Variants in COQ10B observed in about 807,000 individuals in gnomAD.
COQ10B encodes coenzyme Q10B.
COQ10B carries 12 observed loss-of-function variants against 27.6 expected under a neutral mutation model. The observed-to-expected ratio is 0.43, with a 90% CI of 0.28 to 0.70. COQ10B has a LOEUF of 0.70. Among genes scored for constraint, COQ10B ranks in the 30% least tolerant of loss-of-function variants. COQ10B has a pLI of 0.17. For synonymous variants in COQ10B, 115 were observed against 103.0 expected (o/e 1.12, Z -0.71); for missense variants, 278 against 288.7 (o/e 0.96, Z 0.27).
At chr2:197,468,646 G>A (rs576747613) in intron 3 of COQ10B, among the ~76,000 whole-genome samples, 101 of 152,050 alleles carry the variant, frequency 6.6e-4, no homozygotes, top group Non-Finnish European at 1.3e-3. Context: ...AATTACCTGT[G>A]CACTTTAGGA....
rs568958248 is a variant in COQ10B, at chr2:197,456,754, G to T, written c.104+3090G>T. ...CACTCGAGCCTGGGTGATAGAGCAA[G>T]ACTCCATCTCAAAAAAATAAATAAG... On this transcript the variant is annotated intron_variant, in intron 1 of 4. Coordinates refer to ENST00000263960, the MANE Select transcript of COQ10B (RefSeq NM_025147.5). 4.6e-5 allele frequency among the ~76,000 whole-genome samples: 7 copies of T among 151,900 alleles called. No individual in the cohort carries two copies. In the South Asian group the frequency reaches 1.5e-3, roughly 32 times the overall value.
At chr2:197,455,394 G>T (rs116706770) in intron 1 of COQ10B, among the ~76,000 whole-genome samples, 2 of 152,204 alleles carry the variant, frequency 1.3e-5, no homozygotes, top group Admixed American at 1.3e-4. Flanking sequence ...GGGAGGCTGA[G>T]GCGGGAGGAT....
chr2:197,469,831 A>G (rs1020680495), intron 3 of COQ10B, among the ~76,000 whole-genome samples: 4 of 152,120 alleles, frequency 2.6e-5, no homozygotes, highest in Admixed American at 6.5e-5. Flanking sequence ...GGTGTTAGCA[A>G]TGGAAGAGAA....
intron 4 of COQ10B, among the ~76,000 whole-genome samples, chr2:197,473,485 T>C (rs567017969): frequency 2.2e-5 from 3 of 139,432 alleles, no homozygotes; most frequent in African/African-American, 7.9e-5. Context: ...CACGTATATA[T>C]ATGTATATAC....
Position 197,473,626 on chromosome 2 carries a change from C to T in COQ10B, c.550-131C>T. ...GCTTGAGTCCAGGAGGTTGAGGCTG[C>T]AGTGAGCCGCAATTGTGCCACTGCA... On this transcript the variant is annotated intron_variant, in intron 4 of 4. Coordinates refer to ENST00000263960, the MANE Select transcript of COQ10B (RefSeq NM_025147.5). The T allele has an allele frequency of 5.3e-6, 3 of 561,854 alleles. No individual in the cohort carries two copies. In the Admixed American group the frequency reaches 1.1e-4, roughly 21 times the overall value. 34.8% of individuals were successfully genotyped at this position (561,854 alleles called of 1,614,324 possible). A position where few individuals can be genotyped will look rare whatever the true frequency, so the allele number is the denominator to read the frequency against.
intron 3 of COQ10B, among the ~76,000 whole-genome samples, chr2:197,463,412 A>G (rs1295283179): frequency 6.6e-6 from 1 of 151,938 alleles, no homozygotes; most frequent in Non-Finnish European, 1.5e-5. Flanking sequence ...CAGAGGTTGC[A>G]GTGTGCCGAG....
In COQ10B at chr2:197,459,946, G is replaced by C. The variant is rs765425646; in HGVS notation, c.119G>C (p.Cys40Ser). ...PVRNGRYLAS[C>S]GILMSRTLPL... ...TGTCTTTTCAGATATTTAGCTTCCT[G>C]TGGTATACTGATGAGCAGAACTCTT... The change falls in exon 2 of 5, where the codon TGT becomes TCT. Residue 40 changes from cysteine (C) to serine (S), a missense_variant. By Grantham distance (112) the Cys-to-Ser change is moderately radical (BLOSUM62 -1). Coordinates refer to ENST00000263960, the MANE Select transcript of COQ10B (RefSeq NM_025147.5). 1.2e-6 allele frequency: 2 copies of C among 1,603,380 alleles called. No homozygotes were observed. Among genetic ancestry groups the C allele is most frequent in the African/African-American group, 2.7e-5 (2 of 74,188 alleles).
Position 197,463,996 on chromosome 2 carries a change from T to TACACAC in COQ10B, c.447+1291_447+1296dup, listed in dbSNP as rs1241115366. On this transcript the variant is annotated intron_variant, in intron 3 of 4. Transcript: ENST00000263960. ...ATATATATATATATATATATATATA[T>TACACAC]ACACACACACACACACACACACACA... Among the ~76,000 whole-genome samples, 99 of 32,840 alleles carry TACACAC rather than the reference T, an allele frequency of 3.0e-3. 4 individuals are homozygous for TACACAC. Among genetic ancestry groups the TACACAC allele is most frequent in the East Asian group, 9.6e-3 (6 of 622 alleles). The allele number at this position is 32,840 out of a possible 152,430, so 21.5% of individuals were successfully genotyped here. A position where few individuals can be genotyped will look rare whatever the true frequency, so the allele number is the denominator to read the frequency against.
At chr2:197,460,188 T>G in intron 2 of COQ10B, 107 bp downstream of exon 2, 3 of 695,812 alleles carry the variant, frequency 4.3e-6, no homozygotes, top group Non-Finnish European at 6.7e-6. Flanking sequence ...GACTAAGCTC[T>G]CTTTTCTAGG....
rs535013192 is a variant in COQ10B, at chr2:197,471,000, A to G, written c.549+829A>G. ...CAGATCACTTGAGTCCAAGGGTTCG[A>G]GCTTGCAGTGAACTATGATCACATC... On this transcript the variant is annotated intron_variant, in intron 4 of 4. Transcript: ENST00000263960. Among the ~76,000 whole-genome samples the G allele has an allele frequency of 3.9e-5, 6 of 152,344 alleles. No homozygotes were observed. The South Asian group carries it at 1.0e-3, about 26-fold the overall frequency.
chr2:197,461,942 C>A (rs1225308515), intron 2 of COQ10B, among the ~76,000 whole-genome samples: 1 of 151,504 alleles, frequency 6.6e-6, no homozygotes, highest in Admixed American at 6.6e-5. Flanking sequence ...GCCATACTCT[C>A]AATTTTTAAA....
intron 1 of COQ10B, among the ~76,000 whole-genome samples, chr2:197,457,583 A>G (rs749531277): frequency 1.3e-5 from 2 of 151,966 alleles, no homozygotes; most frequent in Non-Finnish European, 2.9e-5. Flanking sequence ...AAAGGTCCTA[A>G]TAAGTTTACC....
At chr2:197,473,443 C>T (rs59082272) in intron 4 of COQ10B, among the ~76,000 whole-genome samples, 14 of 93,918 alleles carry the variant, frequency 1.5e-4, no homozygotes, top group Non-Finnish European at 2.8e-4. Flanking sequence ...TATATATATA[C>T]ACATATATAC....
intron 2 of COQ10B, among the ~76,000 whole-genome samples, chr2:197,461,306 A>G (rs2085755160): frequency 6.6e-6 from 1 of 152,114 alleles, no homozygotes; most frequent in African/African-American, 2.4e-5. Context: ...GTAATTACTT[A>G]GTCTTCAGAA....
intron 3 of COQ10B, among the ~76,000 whole-genome samples, chr2:197,463,978 TATATATATATATATATATAC>T (rs1264558180): frequency 2.2e-4 from 17 of 77,750 alleles, no homozygotes; most frequent in Non-Finnish European, 3.4e-4. Context: ...TATATATATA[TATATATATATATATATATAC>T]ACACACACAC....
chr2:197,472,013 C>G (rs1182166042), intron 4 of COQ10B, among the ~76,000 whole-genome samples: 2 of 150,500 alleles, frequency 1.3e-5, no homozygotes, highest in African/African-American at 2.4e-5. Flanking sequence ...GCATTATTAT[C>G]TAGTAGTAGT....
At chr2:197,462,025 T>C (rs936589681) in intron 2 of COQ10B, among the ~76,000 whole-genome samples, 7 of 151,934 alleles carry the variant, frequency 4.6e-5, no homozygotes, top group African/African-American at 1.7e-4. Flanking sequence ...ATCCCAGCAC[T>C]TTGGGAGGCC....
chr2:197,454,152 T>G, intron 1 of COQ10B: 1 of 1,544,904 alleles, frequency 6.5e-7, no homozygotes, highest in Non-Finnish European at 8.8e-7. Flanking sequence ...TTTACAAAAC[T>G]AAATACAGCC....
intron 1 of COQ10B, among the ~76,000 whole-genome samples, chr2:197,456,242 G>T (rs758069841): frequency 3.3e-5 from 5 of 152,098 alleles, no homozygotes; most frequent in Non-Finnish European, 7.4e-5. Context: ...AAGGTGGGCG[G>T]ATCACAAGGT....
Sources: gnomAD v4.1 joint callset for allele counts (sites outside exome capture counted in the v4.1 genomes callset) on GRCh38, gnomAD v4.1.1 for gene constraint, MANE v1.5 for transcripts, NCBI Gene and HGNC (gene_info 2026-07-23, HGNC 2026-07-21) for gene names.